Variants in GYS2 observed in about 807,000 individuals in gnomAD.
The protein encoded by GYS2 is glycogen synthase 2.
In GYS2, 80 loss-of-function variants were observed where a neutral mutation model predicts 85.6. The ratio of observed to expected loss-of-function variants is 0.93; its 90% CI spans 0.78 to 1.13. The LOEUF is 1.13. GYS2 is among the 50% of genes most tolerant of loss of function. GYS2 has a pLI of 0.00. For synonymous variants in GYS2, 328 were observed against 300.7 expected (o/e 1.09, Z -0.94); for missense variants, 881 against 854.9 (o/e 1.03, Z -0.38).
At chr12:21,601,076 T>A (rs1272478465) in intron 1 of GYS2, among the ~76,000 whole-genome samples, 5 of 152,154 alleles carry the variant, frequency 3.3e-5, no homozygotes, top group Admixed American at 3.3e-4. Context: ...TAAACTTTTT[T>A]AATGATCCTA....
chr12:21,585,046 T>C (rs1274018838), intron 1 of GYS2, among the ~76,000 whole-genome samples: 2 of 152,206 alleles, frequency 1.3e-5, no homozygotes, highest in Non-Finnish European at 2.9e-5. Flanking sequence ...GTGTATGCTC[T>C]GAATCAGTGT....
chr12:21,533,499 G>T (rs1943883774), downstream of GYS2, among the ~76,000 whole-genome samples: 1 of 152,148 alleles, frequency 6.6e-6, no homozygotes, highest in Non-Finnish European at 1.5e-5. Context: ...CCTTTAGAAA[G>T]AGCTCATTTT....
intron 11 of GYS2, among the ~76,000 whole-genome samples, chr12:21,549,222 C>G (rs1944077866): frequency 6.6e-6 from 1 of 152,110 alleles, no homozygotes; most frequent in South Asian, 2.1e-4. Flanking sequence ...TATCACTGAG[C>G]TATTATTAGA....
intron 5 of GYS2, among the ~76,000 whole-genome samples, chr12:21,563,796 C>T (rs551988086): frequency 3.9e-5 from 6 of 152,242 alleles, no homozygotes; most frequent in African/African-American, 1.4e-4. Context: ...TCCAAGAACA[C>T]ACAGCTGGTA....
chr12:21,539,070 AT>A (rs1341417822), intron 15 of GYS2, among the ~76,000 whole-genome samples, 187 bp downstream of exon 15: 5 of 152,316 alleles, frequency 3.3e-5, no homozygotes, highest in African/African-American at 1.2e-4. Context: ...CTCCAATGAG[AT>A]GAATTAACTG....
chr12:21,533,593 G>A (rs1056297029), downstream of GYS2, among the ~76,000 whole-genome samples: 7 of 152,242 alleles, frequency 4.6e-5, no homozygotes, highest in Middle Eastern at 3.4e-3. Flanking sequence ...GGTTCATTCA[G>A]TGAAGACTCT....
intron 4 of GYS2, 91 bp downstream of exon 4, chr12:21,574,053 G>T: frequency 1.0e-6 from 1 of 1,004,274 alleles, no homozygotes; most frequent in Non-Finnish European, 1.6e-6. Context: ...CCATCTGGTT[G>T]GCAGATGAAA....
In GYS2 at chr12:21,603,071, G is replaced by A. The variant is rs1003719523; in HGVS notation, c.121+1401C>T. On this transcript the variant is annotated intron_variant, in intron 1 of 15. Transcript: ENST00000261195. ...GATGGTTCTGTTCCCAGGAACTTTG[G>A]GCATATTTAAAAACTGGACTGGAAA... Among the ~76,000 whole-genome samples, 7 of 151,878 alleles carry A rather than the reference G, an allele frequency of 4.6e-5. No individual in the cohort carries two copies. The East Asian group carries it at 7.7e-4, about 17-fold the overall frequency.
Position 21,574,297 on chromosome 12 carries a change from G to A in GYS2, c.525C>T (p.Val175=), listed in dbSNP as rs77486019. The A allele has an allele frequency of 5.3e-5, 86 of 1,613,676 alleles. No homozygotes were observed. In the East Asian group the frequency reaches 1.7e-3, roughly 32 times the overall value. The part of the protein sequence containing the change: ...EVTDHADGKY[V]VAQFHEWQAG... ...CCTGCCATTCATGGAATTGGGCAAC[G>A]ACATATTTACCATCTGCATGATCTG... Residue 175 remains valine, a synonymous_variant, in exon 4 of 16, where the codon GTC becomes GTT. Transcript: ENST00000261195.
intron 1 of GYS2, among the ~76,000 whole-genome samples, chr12:21,587,245 A>C (rs1470413951): frequency 6.6e-6 from 1 of 152,184 alleles, no homozygotes; most frequent in Non-Finnish European, 1.5e-5. Context: ...TACAACATTC[A>C]CTTTTCAGGT....
At chr12:21,536,039 T>C (rs1428598129), downstream of GYS2, 1 of 152,240 alleles carries the variant, frequency 6.6e-6, no homozygotes, top group Non-Finnish European at 1.5e-5. Flanking sequence ...GAATTATTCA[T>C]AACAGCTGCT....
In GYS2 at chr12:21,559,134, C is replaced by A. The variant is rs1944220090; in HGVS notation, c.1265G>T (p.Arg422Leu). 6.2e-7 allele frequency: 1 copy of A among 1,609,052 alleles called. No homozygotes were observed. The highest frequency in any genetic ancestry group is 8.5e-7 in the Non-Finnish European group (1 of 1,176,430). The change falls in exon 10 of 16, where the codon CGA (arginine) becomes CTA (leucine). Residue 422 changes from arginine (R) to leucine (L), a missense_variant. Physicochemically the swap from Arg to Leu is moderately radical, Grantham distance 102. Coordinates refer to ENST00000261195, the MANE Select transcript of GYS2 (RefSeq NM_021957.4). ...EIPDLNDILD[R>L]DDLTIMKRAI... ...TCTTTTCATAATTGTTAGATCATCT[C>A]GATCTAAAATATCGTTCAGGTCAGG... is the stretch of plus-strand genomic sequence containing the variant.
In GYS2 at chr12:21,569,010, C is replaced by CTGTT; in HGVS notation, c.679-5_679-2dup. On this transcript the variant is annotated splice_acceptor_variant, in intron 4 of 15. Coordinates refer to ENST00000261195, the MANE Select transcript of GYS2 (RefSeq NM_021957.4). LOFTEE classifies it high-confidence loss of function. ...CCCCAGCCTCTTTGTCAATGTTAAA[C>CTGTT]TGTTAGAAACAAAAATAAAACACAC... 6.2e-7 allele frequency: 1 copy of CTGTT among 1,614,084 alleles called. No homozygotes were observed. Among genetic ancestry groups the CTGTT allele is most frequent in the South Asian group, 1.1e-5 (1 of 91,088 alleles).
downstream of GYS2, among the ~76,000 whole-genome samples, chr12:21,536,038 A>T (rs963619312): frequency 5.9e-5 from 9 of 152,206 alleles, no homozygotes; most frequent in Non-Finnish European, 1.3e-4. Context: ...GGAATTATTC[A>T]TAACAGCTGC....
Position 21,559,725 on chromosome 12 carries a change from A to G in GYS2, c.1170-15T>C, listed in dbSNP as rs376604494. 1.3e-6 allele frequency: 2 copies of G among 1,517,546 alleles called. No individual in the cohort carries two copies. Among genetic ancestry groups the G allele is most frequent in the Non-Finnish European group, 1.8e-6 (2 of 1,092,330 alleles). 94.0% of individuals were successfully genotyped at this position (1,517,546 alleles called of 1,614,324 possible). On this transcript the variant is annotated splice_polypyrimidine_tract_variant and intron_variant, in intron 8 of 15. Coordinates refer to ENST00000261195, the MANE Select transcript of GYS2 (RefSeq NM_021957.4). ...GTGCAACATCCCTGTTTGAAACAGA[A>G]AGATTTATCATTTAAACAGTATGAC... is the stretch of plus-strand genomic sequence containing the variant.
At chr12:21,583,966 C>T (rs555734768) in intron 1 of GYS2, among the ~76,000 whole-genome samples, 3 of 152,284 alleles carry the variant, frequency 2.0e-5, no homozygotes, top group Non-Finnish European at 2.9e-5. Context: ...GAGACTGCAC[C>T]GATGGTCTCA....
intron 4 of GYS2, 138 bp from the exon 5 acceptor site, chr12:21,569,147 T>A: frequency 1.3e-6 from 1 of 780,008 alleles, no homozygotes; most frequent in East Asian, 2.6e-5. Context: ...AATAAAAACT[T>A]GAATTAAACC....
At chr12:21,574,111 G>T in intron 4 of GYS2, 33 bp downstream of exon 4, 3 of 1,504,228 alleles carry the variant, frequency 2.0e-6, no homozygotes, top group Admixed American at 1.7e-5. Flanking sequence ...TGAAAGAAGG[G>T]TGAGTAAGAG....
At chr12:21,582,771 A>G (rs542989264) in intron 1 of GYS2, among the ~76,000 whole-genome samples, 1 of 152,142 alleles carries the variant, frequency 6.6e-6, no homozygotes, top group Non-Finnish European at 1.5e-5. Context: ...TGGCTGCTTA[A>G]TATGATTAGA....
Sources: gnomAD v4.1 joint callset for allele counts (sites outside exome capture counted in the v4.1 genomes callset) on GRCh38, gnomAD v4.1.1 for gene constraint, MANE v1.5 for transcripts, NCBI Gene and HGNC (gene_info 2026-07-23, HGNC 2026-07-21) for gene names.